Variants in PTGR2 observed in about 807,000 individuals in gnomAD.
PTGR2 encodes prostaglandin reductase 2.
A neutral mutation model predicts 43.4 loss-of-function variants in PTGR2; 32 were observed. That is an observed-to-expected ratio of 0.74 (90% CI 0.56 to 0.99). The LOEUF is 0.99. PTGR2 is among the 50% of genes least tolerant of loss of function. PTGR2 has a pLI of 0.00. For missense variants in PTGR2, 373 were observed against 420.0 expected, an observed-to-expected ratio of 0.89 and a Z score of 0.98; for synonymous variants, 106 against 139.2, an observed-to-expected ratio of 0.76 and a Z score of 1.68.
At chr14:73,870,036 A>G (rs933630728) in intron 3 of PTGR2, among the ~76,000 whole-genome samples, 4 of 151,906 alleles carry the variant, frequency 2.6e-5, no homozygotes, top group Admixed American at 2.6e-4. Context: ...CAGAGAGAAA[A>G]AAAAAAAAGA....
chr14:73,881,953 T>C (rs2055001400), intron 8 of PTGR2, among the ~76,000 whole-genome samples: 1 of 151,924 alleles, frequency 6.6e-6, no homozygotes, highest in African/African-American at 2.4e-5. Flanking sequence ...CAGCTAATTT[T>C]TGTATTTTTA....
intron 3 of PTGR2, among the ~76,000 whole-genome samples, chr14:73,869,451 G>A (rs2054674382): frequency 6.6e-6 from 1 of 151,722 alleles, no homozygotes. Flanking sequence ...GAGCCCGGGA[G>A]GTGGGAGGAT....
At chr14:73,876,922 A>T in intron 4 of PTGR2, 76 bp from the exon 5 acceptor site, 1 of 1,123,692 alleles carries the variant, frequency 8.9e-7, no homozygotes, top group Non-Finnish European at 1.3e-6. Flanking sequence ...AATTCAGTCC[A>T]TAACACGTTG....
intron 1 of PTGR2, among the ~76,000 whole-genome samples, chr14:73,852,541 G>C (rs1407601099): frequency 6.6e-6 from 1 of 152,148 alleles, no homozygotes; most frequent in Admixed American, 6.6e-5. Flanking sequence ...GTGAGCCATC[G>C]CGCCCGGCCT....
intron 1 of PTGR2, among the ~76,000 whole-genome samples, chr14:73,852,644 AATT>A (rs1390933929): frequency 5.3e-5 from 8 of 152,110 alleles, no homozygotes; most frequent in Admixed American, 5.2e-4. Context: ...TAGAGACGCA[AATT>A]ATTATTAATT....
intron 7 of PTGR2, 64 bp downstream of exon 7, chr14:73,880,240 T>C: frequency 1.3e-6 from 2 of 1,563,018 alleles, no homozygotes; most frequent in Non-Finnish European, 1.8e-6. Flanking sequence ...TAGATGTGTA[T>C]GAAATCTATT....
At position 73,879,527 on chromosome 14, in the gene PTGR2, AATATT is replaced by A; in HGVS notation, c.729+228_729+232del. On this transcript the variant is annotated intron_variant, in intron 6 of 9. Coordinates refer to ENST00000555661, the MANE Select transcript of PTGR2 (RefSeq NM_001146154.2). ...ACTTCAATTTCAGTTATTTGCTACC[AATATT>A]ATATTTTTCACTTTTGGTTTATTTT... 4 of 479,034 alleles carry A rather than the reference AATATT, an allele frequency of 8.4e-6. No homozygotes were observed. The South Asian group carries it at 1.1e-4, about 14-fold the overall frequency. The allele number at this position is 479,034 out of a possible 1,614,324, so 29.7% of individuals were successfully genotyped here. A position where few individuals can be genotyped will look rare whatever the true frequency, so the allele number is the denominator to read the frequency against.
At chr14:73,864,371 A>G (rs911048708) in intron 3 of PTGR2, among the ~76,000 whole-genome samples, 100 of 152,236 alleles carry the variant, frequency 6.6e-4, no homozygotes, top group African/African-American at 2.2e-3. Context: ...CTACCGAACT[A>G]TTTTCCAAAG....
chr14:73,878,438 TC>T (rs1488519442), intron 5 of PTGR2: 2 of 152,598 alleles, frequency 1.3e-5, no homozygotes, highest in African/African-American at 2.4e-5. Flanking sequence ...CTACCTATGG[TC>T]CCCAACTTAT....
At chr14:73,870,213 A>T (rs1482899374) in intron 3 of PTGR2, among the ~76,000 whole-genome samples, 20 of 94,246 alleles carry the variant, frequency 2.1e-4, no homozygotes, top group East Asian at 1.5e-3. Context: ...TTTTTTTTTG[A>T]GATAGAGTCT....
chr14:73,882,800 CTTTTTTTTTTTTTTTTTTTTTTTTT>C (rs35651032), intron 9 of PTGR2, among the ~76,000 whole-genome samples: 1 of 41,826 alleles, frequency 2.4e-5, no homozygotes, highest in African/African-American at 9.3e-5. Context: ...ACGCCTGGCC[CTTTTTTTTTTTTTTTTTTTTTTTTT>C]TTTTTTTTTT....
Position 73,851,841 on chromosome 14 carries a change from G to C in PTGR2, c.-150G>C, listed in dbSNP as rs1352096040. ...GAGCCGGGCCTAGTCGCGCGCCTGC[G>C]TACTGCGGTCAGAGGGCCGAGGCCT... On this transcript the variant is annotated 5_prime_UTR_variant, in exon 1 of 10. Transcript: ENST00000555661. The C allele has an allele frequency of 1.3e-5, 2 of 152,344 alleles. No homozygotes were observed. Among genetic ancestry groups the C allele is most frequent in the African/African-American group, 2.4e-5 (1 of 41,460 alleles). The allele number at this position is 152,344 out of a possible 1,614,324, so 9.4% of individuals were successfully genotyped here. A position where few individuals can be genotyped will look rare whatever the true frequency, so the allele number is the denominator to read the frequency against.
At chr14:73,867,062 C>T (rs572341769) in intron 3 of PTGR2, among the ~76,000 whole-genome samples, 1 of 137,226 alleles carries the variant, frequency 7.3e-6, no homozygotes, top group South Asian at 2.4e-4. Flanking sequence ...GCACTCCAGC[C>T]TGTGTGACAG....
At chr14:73,863,312 T>C (rs2054535105) in intron 3 of PTGR2, among the ~76,000 whole-genome samples, 1 of 152,060 alleles carries the variant, frequency 6.6e-6, no homozygotes, top group Non-Finnish European at 1.5e-5. Context: ...TGTTATTCTT[T>C]TTTGTTGTTT....
intron 1 of PTGR2, among the ~76,000 whole-genome samples, chr14:73,855,715 G>A (rs555499613): frequency 6.6e-6 from 1 of 151,298 alleles, no homozygotes; most frequent in Non-Finnish European, 1.5e-5. Context: ...CAAAGTGCTG[G>A]GATTACAGGC....
In PTGR2 at chr14:73,880,059, A is replaced by G. The variant is rs1385434910; in HGVS notation, c.734A>G (p.Asn245Ser). ...TCATTATTTTTCTCTGTGCAGATGA[A>G]TGAGAACAGCCACATCATCCTGTGT... ...NISDTVISQM[N>S]ENSHIILCGQ... Residue 245 changes from asparagine to serine, a missense_variant, in exon 7 of 10, where the codon AAT becomes AGT. Coordinates refer to ENST00000555661, the MANE Select transcript of PTGR2 (RefSeq NM_001146154.2). 5 of 1,613,760 alleles carry G rather than the reference A, an allele frequency of 3.1e-6. No individual in the cohort carries two copies. Among genetic ancestry groups the G allele is most frequent in the Non-Finnish European group, 4.2e-6 (5 of 1,179,698 alleles).
At chr14:73,879,332 T>C (rs1257215196) in intron 6 of PTGR2, 27 bp downstream of exon 6, 1 of 1,584,866 alleles carries the variant, frequency 6.3e-7, no homozygotes, top group African/African-American at 1.3e-5. Flanking sequence ...TATAACAAAT[T>C]TGAATACTGC....
chr14:73,862,455 C>T (rs1316362465), intron 3 of PTGR2, among the ~76,000 whole-genome samples: 1 of 152,114 alleles, frequency 6.6e-6, no homozygotes, highest in Non-Finnish European at 1.5e-5. Flanking sequence ...GATCCACCCG[C>T]CTCGGCCTCC....
chr14:73,880,252 T>C (rs574848689), intron 7 of PTGR2, 76 bp downstream of exon 7: 1 of 1,531,504 alleles, frequency 6.5e-7, no homozygotes, highest in East Asian at 2.3e-5. Context: ...AAATCTATTG[T>C]TCTTCATAGA....
Sources: gnomAD v4.1 joint callset for allele counts (sites outside exome capture counted in the v4.1 genomes callset) on GRCh38, gnomAD v4.1.1 for gene constraint, MANE v1.5 for transcripts, NCBI Gene and HGNC (gene_info 2026-07-23, HGNC 2026-07-21) for gene names.